Variants in DPP6 observed in about 807,000 individuals in gnomAD.
DPP6 encodes A-type potassium channel modulatory protein DPP6.
Under a neutral mutation model 122.6 loss-of-function variants are expected in DPP6, and 69 were observed. The observed-to-expected ratio is 0.56, with a 90% CI of 0.46 to 0.69. The LOEUF is 0.69. Among genes scored for constraint, DPP6 ranks in the 30% least tolerant of loss-of-function variants. The probability of loss-of-function intolerance (pLI) is 0.00; values close to 1 mark genes in which losing one functional copy is unlikely to be tolerated. For missense variants in DPP6, 928 were observed against 1,116.9 expected, an observed-to-expected ratio of 0.83 and a Z score of 2.41; for synonymous variants, 418 against 433.1, an observed-to-expected ratio of 0.97 and a Z score of 0.43.
At chr7:153,783,094 A>T in the DPP6 span, among the ~76,000 whole-genome samples, 1 of 152,210 alleles carries the variant, frequency 6.6e-6, no homozygotes, top group Non-Finnish European at 1.5e-5. Context: ...AACTGACGAG[A>T]CCTTTACAAA....
At chr7:153,912,340 TGA>T (rs1339731312) in intron 1 of DPP6, among the ~76,000 whole-genome samples, 2 of 152,182 alleles carry the variant, frequency 1.3e-5, no homozygotes, top group Non-Finnish European at 2.9e-5. Context: ...TGACATCAGC[TGA>T]GAGGGGAGGT....
the DPP6 span, among the ~76,000 whole-genome samples, chr7:153,840,170 T>A: frequency 2.0e-3 from 307 of 152,310 alleles, no homozygotes; most frequent in African/African-American, 7.2e-3. Flanking sequence ...TCCATTTCAG[T>A]GTGCTTCACT....
At position 154,680,872 on chromosome 7, in the gene DPP6, G is replaced by A. The variant is rs570789414; in HGVS notation, c.762+11431G>A. On this transcript the variant is annotated intron_variant, in intron 7 of 25. Transcript: ENST00000377770. ...GGATCACAGTGCCGTTAATTCCACC[G>A]GTTTGAAAGCTCTGTTGCAAACCCT... Among the ~76,000 whole-genome samples, 33 of 152,156 alleles carry A rather than the reference G, an allele frequency of 2.2e-4. 1 individual carries two copies. The South Asian group carries it at 6.4e-3, about 30-fold the overall frequency.
chr7:153,863,809 A>G, the DPP6 span, among the ~76,000 whole-genome samples: 947 of 152,248 alleles, frequency 6.2e-3, 16 homozygotes, highest in Non-Finnish European at 5.6e-3. Flanking sequence ...CACGTTTCGT[A>G]TAAAAGGAAT....
chr7:154,306,237 C>T (rs892341792), intron 1 of DPP6, among the ~76,000 whole-genome samples: 1 of 152,202 alleles, frequency 6.6e-6, no homozygotes, highest in African/African-American at 2.4e-5. Flanking sequence ...TCGCCTTGTC[C>T]TGAGAAGACC....
At chr7:154,873,268 T>C (rs1408762678) in intron 19 of DPP6, among the ~76,000 whole-genome samples, 1 of 152,242 alleles carries the variant, frequency 6.6e-6, no homozygotes, top group African/African-American at 2.4e-5. Context: ...CCCAGTGCCC[T>C]GTGCATAGGT....
intron 1 of DPP6, among the ~76,000 whole-genome samples, chr7:153,969,840 T>C (rs1795941529): frequency 6.6e-6 from 1 of 151,252 alleles, no homozygotes. Context: ...GTCAGTCCAT[T>C]CCTTTACACC....
chr7:153,835,330 C>T, the DPP6 span, among the ~76,000 whole-genome samples: 1 of 151,744 alleles, frequency 6.6e-6, no homozygotes, highest in African/African-American at 2.4e-5. Flanking sequence ...ACCTAGAAAA[C>T]TAAAAGACTA....
At chr7:154,482,028 A>C (rs1823350480) in intron 3 of DPP6, among the ~76,000 whole-genome samples, 1 of 152,222 alleles carries the variant, frequency 6.6e-6, no homozygotes, top group Admixed American at 6.5e-5. Flanking sequence ...TTTAAAGATA[A>C]GGAAACTTAC....
At chr7:154,495,180 A>G (rs1824623044) in intron 3 of DPP6, among the ~76,000 whole-genome samples, 1 of 152,202 alleles carries the variant, frequency 6.6e-6, no homozygotes, top group Admixed American at 6.5e-5. Context: ...TAAGCCTGCA[A>G]CATTCAGTAT....
At position 154,121,790 on chromosome 7, in the gene DPP6, C is replaced by G. The variant is rs1044838990; in HGVS notation, c.243+68727C>G. Among the ~76,000 whole-genome samples the G allele has an allele frequency of 2.6e-5, 4 of 152,184 alleles. No homozygotes were observed. The East Asian group carries it at 7.7e-4, about 29-fold the overall frequency. ...GAGTCTAATAATCCCTAATATACCT[C>G]GCTTCTAATGTAGGTGTTCCCACCA... On this transcript the variant is annotated intron_variant, in intron 1 of 25. Coordinates refer to ENST00000377770, the MANE Select transcript of DPP6 (RefSeq NM_130797.4).
chr7:154,298,019 C>T (rs1044735727), intron 1 of DPP6, among the ~76,000 whole-genome samples: 3 of 152,116 alleles, frequency 2.0e-5, no homozygotes, highest in Admixed American at 6.5e-5. Flanking sequence ...ATTGATAATT[C>T]AGTTAGCGGA....
chr7:154,574,507 TGTGTG>T (rs1365583923), intron 5 of DPP6, among the ~76,000 whole-genome samples: 1 of 141,148 alleles, frequency 7.1e-6, no homozygotes, highest in Admixed American at 7.1e-5. Context: ...GGTGTGTGTA[TGTGTG>T]GTGTGGTGTA....
rs5888595 is a variant in DPP6 at position 154,776,199 on chromosome 7, T to TGATAGATAGATAGATAGATAGATA, written c.1136+3270_1136+3293dup. Among the ~76,000 whole-genome samples the TGATAGATAGATAGATAGATAGATA allele has an allele frequency of 3.2e-3, 480 of 148,552 alleles. 3 individuals carry two copies. The highest frequency in any genetic ancestry group is 4.6e-3 in the East Asian group (23 of 5,006). On this transcript the variant is annotated intron_variant, in intron 10 of 25. Transcript: ENST00000377770. ...TGGCCTCAGAAGCCCCCATGATAGATGATAGATAGATAGATAGATAGATAG... is the reference window on the plus strand; with the variant it reads ...TGGCCTCAGAAGCCCCCATGATAGATGATAGATAGATAGATAGATAGATAGATAGATAGATAGATAGATAGATAG...
intron 1 of DPP6, among the ~76,000 whole-genome samples, chr7:154,217,957 C>A (rs1044155286): frequency 1.2e-4 from 19 of 152,338 alleles, no homozygotes; most frequent in Non-Finnish European, 2.1e-4. Flanking sequence ...ACCTGTGATT[C>A]TGCGTCCTCC....
intron 1 of DPP6, among the ~76,000 whole-genome samples, chr7:154,016,398 T>TG (rs1225949796): frequency 4.4e-5 from 6 of 136,244 alleles, no homozygotes; most frequent in Non-Finnish European, 9.2e-5. Flanking sequence ...AAAGTAGGTT[T>TG]ATTTTTTTTT....
chr7:153,855,324 C>T, the DPP6 span, among the ~76,000 whole-genome samples: 1 of 151,960 alleles, frequency 6.6e-6, no homozygotes. Flanking sequence ...CTTGCTTTTC[C>T]ATATGGATTT....
At chr7:153,868,340 G>T in the DPP6 span, among the ~76,000 whole-genome samples, 1 of 152,100 alleles carries the variant, frequency 6.6e-6, no homozygotes, top group African/African-American at 2.4e-5. Context: ...CCTGTTATTG[G>T]TCTATTCAGA....
chr7:154,826,137 C>T (rs921764829), intron 16 of DPP6, among the ~76,000 whole-genome samples: 3 of 152,234 alleles, frequency 2.0e-5, no homozygotes, highest in Non-Finnish European at 2.9e-5. Context: ...CAATCCTGCA[C>T]ATTCCGAGTT....
Sources: allele counts gnomAD v4.1 joint callset (sites outside exome capture counted in the v4.1 genomes callset), GRCh38; gene constraint gnomAD v4.1.1; transcripts MANE v1.5; gene names NCBI Gene and HGNC (gene_info 2026-07-23, HGNC 2026-07-21).